MGAT5: variants seen among roughly 807,000 people sequenced by gnomAD.
The protein encoded by MGAT5 is alpha-1,6-mannosylglycoprotein 6-beta-N-acetylglucosaminyltransferase.
Under a neutral mutation model 94.3 loss-of-function variants are expected in MGAT5, and 30 were observed. The observed-to-expected ratio is 0.32, with a 90% CI of 0.24 to 0.43. The LOEUF is 0.43. Among genes scored for constraint, MGAT5 ranks in the 20% least tolerant of loss-of-function variants. The pLI is 1.00. For missense variants in MGAT5, 691 were observed against 905.5 expected (o/e 0.76, Z 3.04); for synonymous variants, 310 against 322.9 (o/e 0.96, Z 0.43).
intron 1 of MGAT5, among the ~76,000 whole-genome samples, chr2:134,259,092 G>A (rs866310647): frequency 2.0e-5 from 3 of 152,220 alleles, no homozygotes; most frequent in African/African-American, 7.2e-5. Flanking sequence ...CAGAACTCCC[G>A]GGCAGCCCGT....
chr2:134,346,580 A>C (rs1188719837), intron 8 of MGAT5, among the ~76,000 whole-genome samples: 2 of 152,118 alleles, frequency 1.3e-5, no homozygotes, highest in Non-Finnish European at 2.9e-5. Context: ...AAAATTCAAA[A>C]TTTTCCCTTT....
chr2:134,156,050 A>G (rs771277647), intron 1 of MGAT5, among the ~76,000 whole-genome samples: 3 of 152,076 alleles, frequency 2.0e-5, no homozygotes, highest in Non-Finnish European at 2.9e-5. Flanking sequence ...GCTCTCCTAT[A>G]CTTTATGCTC....
In MGAT5 at chr2:134,440,791, C is replaced by A. The variant is rs574417765; in HGVS notation, c.1870-967C>A. On this transcript the variant is annotated intron_variant, in intron 14 of 15. Coordinates refer to ENST00000281923, the MANE Select transcript of MGAT5 (RefSeq NM_002410.5). ...ATGAGGTGGGAGGAGGCACTTCTTA[C>A]GATTTTCACTTCGCAAATGTGTATT... 1.3e-3 allele frequency among the ~76,000 whole-genome samples: 204 copies of A among 152,238 alleles called. 1 individual carries two copies. The highest frequency in any genetic ancestry group is 2.0e-3 in the Admixed American group (30 of 15,294).
chr2:134,319,365 A>G (rs371646467), intron 4 of MGAT5, among the ~76,000 whole-genome samples: 7 of 152,290 alleles, frequency 4.6e-5, no homozygotes, highest in African/African-American at 1.7e-4. Flanking sequence ...TATTTAGAGA[A>G]AGGAGGATCA....
chr2:134,231,411 A>C (rs568954164), intron 1 of MGAT5: 1 of 152,364 alleles, frequency 6.6e-6, no homozygotes, highest in African/African-American at 2.4e-5. Flanking sequence ...TGTTACAAAA[A>C]GGGTTTATAA....
At chr2:134,399,726 GCTTT>G (rs1338149681) in intron 10 of MGAT5, among the ~76,000 whole-genome samples, 1 of 152,132 alleles carries the variant, frequency 6.6e-6, no homozygotes, top group East Asian at 1.9e-4. Flanking sequence ...GAGAAGGAAA[GCTTT>G]CTAAGAAGTG....
At chr2:134,192,574 T>G (rs1679280570) in intron 1 of MGAT5, among the ~76,000 whole-genome samples, 1 of 152,244 alleles carries the variant, frequency 6.6e-6, no homozygotes, top group African/African-American at 2.4e-5. Flanking sequence ...CGTATTATTG[T>G]ATCAGATAAT....
intron 2 of MGAT5, among the ~76,000 whole-genome samples, chr2:134,296,595 A>G (rs1685687981): frequency 6.6e-6 from 1 of 152,168 alleles, no homozygotes; most frequent in African/African-American, 2.4e-5. Context: ...CTTATAAAGT[A>G]CATAAGAGAC....
At chr2:134,294,903 A>G (rs531667189) in intron 2 of MGAT5, among the ~76,000 whole-genome samples, 1 of 152,246 alleles carries the variant, frequency 6.6e-6, no homozygotes, top group African/African-American at 2.4e-5. Flanking sequence ...TTGCTAGCCA[A>G]TCAGGACAAA....
chr2:134,365,129 G>A (rs746516567), intron 10 of MGAT5, among the ~76,000 whole-genome samples: 1 of 152,150 alleles, frequency 6.6e-6, no homozygotes, highest in East Asian at 1.9e-4. Flanking sequence ...GGATGTGGGA[G>A]GGCACAATTT....
intron 1 of MGAT5, among the ~76,000 whole-genome samples, chr2:134,223,264 C>T (rs191886773): frequency 2.0e-5 from 3 of 152,174 alleles, no homozygotes; most frequent in Non-Finnish European, 2.9e-5. Flanking sequence ...TTCCTCAAAC[C>T]GGACCTTACA....
chr2:134,220,565 C>A (rs73958170), intron 1 of MGAT5, among the ~76,000 whole-genome samples: 2,043 of 152,284 alleles, frequency 0.013, 51 homozygotes, highest in African/African-American at 0.046. Context: ...CCATTGTGCC[C>A]CATCTACATT....
chr2:134,127,203 A>G lies in MGAT5; in HGVS notation c.-143+6912A>G, dbSNP rs1460859680. The stretch of plus-strand genomic sequence containing the variant: ...GTAATCTTCATCATGCGGTGTCCCC[A>G]GTCCTGTGTAAGACCTTTGCAAACA... On this transcript the variant is annotated intron_variant, in intron 1 of 16. Coordinates refer to the MGAT5 transcript ENST00000409645. 3.9e-5 allele frequency: 6 copies of G among 154,834 alleles called. No homozygotes were observed. In the Middle Eastern group the frequency reaches 1.6e-3, roughly 40 times the overall value. 9.6% of individuals were successfully genotyped at this position (154,834 alleles called of 1,614,324 possible).
intron 10 of MGAT5, among the ~76,000 whole-genome samples, chr2:134,402,477 G>C (rs993249759): frequency 6.6e-6 from 1 of 152,254 alleles, no homozygotes; most frequent in African/African-American, 2.4e-5. Context: ...CTGACAACAT[G>C]AGTTAATCAT....
At chr2:134,377,756 T>C in intron 10 of MGAT5, among the ~76,000 whole-genome samples, 1 of 152,194 alleles carries the variant, frequency 6.6e-6, no homozygotes, top group East Asian at 1.9e-4. Flanking sequence ...CCATCAAAAC[T>C]ATTAACTCTT....
chr2:134,131,572 A>ATT (rs10617178), intron 1 of MGAT5, among the ~76,000 whole-genome samples: 16 of 85,244 alleles, frequency 1.9e-4, no homozygotes, highest in South Asian at 9.5e-4. Context: ...TGGTAGATTG[A>ATT]TTTTTTTTTT....
chr2:134,228,455 C>A (rs772017385), intron 1 of MGAT5, among the ~76,000 whole-genome samples: 1 of 152,208 alleles, frequency 6.6e-6, no homozygotes. Flanking sequence ...AAATATCTGA[C>A]ATTTTCCAGA....
intron 12 of MGAT5, among the ~76,000 whole-genome samples, chr2:134,420,676 A>G (rs775236069): frequency 1.3e-5 from 2 of 152,016 alleles, no homozygotes; most frequent in Non-Finnish European, 1.5e-5. Context: ...AGGAGAAGAG[A>G]AGAGCCAGCT....
At position 134,454,467 on chromosome 2, in the gene MGAT5, G is replaced by A. The variant is rs1321474997; in HGVS notation, c.*5620G>A. On this transcript the variant is annotated 3_prime_UTR_variant, in exon 16 of 16. Coordinates refer to ENST00000281923, the MANE Select transcript of MGAT5 (RefSeq NM_002410.5). The stretch of plus-strand genomic sequence containing the variant: ...CAGATCCTGGTTACAGCCATTTTGT[G>A]TGATTCACTTCGGGGGTTAAGTAAT... The A allele has an allele frequency of 6.6e-6, 1 of 152,242 alleles. No individual in the cohort carries two copies. Among genetic ancestry groups the A allele is most frequent in the African/African-American group, 2.4e-5 (1 of 41,468 alleles). 9.4% of individuals were successfully genotyped at this position (152,242 alleles called of 1,614,324 possible).
Sources: gnomAD v4.1 joint callset for allele counts (sites outside exome capture counted in the v4.1 genomes callset) on GRCh38, gnomAD v4.1.1 for gene constraint, MANE v1.5 for transcripts, NCBI Gene and HGNC (gene_info 2026-07-23, HGNC 2026-07-21) for gene names.